Variants in ZFAND6 observed in about 807,000 individuals in gnomAD.
ZFAND6 encodes zinc finger AN1-type containing 6.
ZFAND6 carries 12 observed loss-of-function variants against 24.5 expected under a neutral mutation model. The ratio of observed to expected loss-of-function variants is 0.49; its 90% CI spans 0.31 to 0.79. ZFAND6 has a LOEUF of 0.79. ZFAND6 is among the 30% of genes least tolerant of loss of function. ZFAND6 has a pLI of 0.04. For missense variants in ZFAND6, 207 were observed against 245.9 expected (o/e 0.84, Z 1.06); for synonymous variants, 92 against 81.5 (o/e 1.13, Z -0.69).
Position 80,137,550 on chromosome 15 carries a change from C to A in ZFAND6, c.549C>A (p.Tyr183Ter). The A allele has an allele frequency of 1.2e-6, 2 of 1,605,558 alleles. No homozygotes were observed. The highest frequency in any genetic ancestry group is 1.7e-6 in the Non-Finnish European group (2 of 1,177,400). The change falls in exon 7 of 7, where the codon TAC becomes TAA. Residue 183 changes from tyrosine (Y) to a stop codon, truncating the protein, a stop_gained. Transcript: ENST00000261749. LOFTEE classifies it high-confidence loss of function. The stretch of plus-strand genomic sequence containing the variant: ...ACTCAGATGTACACAATTGCTCTTA[C>A]AATTACAAAGCCGATGCTGCTGAGA... ...HRYSDVHNCSYNYKADAAEKI... is the reference protein window; with the variant it reads ...HRYSDVHNCS
intron 6 of ZFAND6, among the ~76,000 whole-genome samples, chr15:80,137,063 A>C (rs1168900577): frequency 6.6e-6 from 1 of 152,222 alleles, no homozygotes. Flanking sequence ...GCAAATATCG[A>C]AGCTGTGTTC....
Position 80,112,480 on chromosome 15 carries a change from C to G in ZFAND6, c.-17-7848C>G, listed in dbSNP as rs138800883. On this transcript the variant is annotated intron_variant, in intron 2 of 6. Coordinates refer to ENST00000261749, the MANE Select transcript of ZFAND6 (RefSeq NM_019006.4). The stretch of plus-strand genomic sequence containing the variant: ...TGGCGTGATCTTGGCTCACTGCAAC[C>G]TCCGCCTCTTGGGTTCAAACAATGC... Among the ~76,000 whole-genome samples, 1,000 of 152,162 alleles carry G rather than the reference C, an allele frequency of 6.6e-3. 14 individuals are homozygous for G. Among genetic ancestry groups the G allele is most frequent in the African/African-American group, 0.023 (971 of 41,546 alleles).
chr15:80,082,632 G>T (rs1189040935), intron 1 of ZFAND6, among the ~76,000 whole-genome samples: 1 of 152,204 alleles, frequency 6.6e-6, no homozygotes, highest in Non-Finnish European at 1.5e-5. Context: ...TCACTGTCAA[G>T]TGACTTTCTG....
chr15:80,113,920 G>T (rs1404002284), intron 2 of ZFAND6, among the ~76,000 whole-genome samples: 1 of 152,004 alleles, frequency 6.6e-6, no homozygotes, highest in Non-Finnish European at 1.5e-5. Context: ...AGTAGAAGAG[G>T]CTTGAGGTGG....
At chr15:80,118,940 A>G (rs1174141262) in intron 2 of ZFAND6, among the ~76,000 whole-genome samples, 3 of 152,224 alleles carry the variant, frequency 2.0e-5, no homozygotes, top group Non-Finnish European at 4.4e-5. Flanking sequence ...GGTGTTTACC[A>G]GTTCAAGGAA....
intron 2 of ZFAND6, among the ~76,000 whole-genome samples, chr15:80,109,502 A>C (rs1236043782): frequency 6.6e-6 from 1 of 152,198 alleles, no homozygotes; most frequent in African/African-American, 2.4e-5. Flanking sequence ...TGGAAAGTAG[A>C]AGGAATAGCA....
At chr15:80,134,619 A>G (rs1435867843) in intron 6 of ZFAND6, among the ~76,000 whole-genome samples, 3 of 152,224 alleles carry the variant, frequency 2.0e-5, no homozygotes, top group African/African-American at 7.2e-5. Context: ...CACAGGATGG[A>G]AATCATGATA....
At chr15:80,085,909 T>TA (rs1181858320) in intron 1 of ZFAND6, among the ~76,000 whole-genome samples, 1 of 152,216 alleles carries the variant, frequency 6.6e-6, no homozygotes, top group Admixed American at 6.5e-5. Context: ...CACAGATACT[T>TA]ACCATTGTGT....
intron 6 of ZFAND6, among the ~76,000 whole-genome samples, chr15:80,136,092 T>C (rs2040849995): frequency 6.7e-6 from 1 of 148,772 alleles, no homozygotes. Context: ...CACCACTTCA[T>C]ACCAGCCTGA....
At chr15:80,075,614 T>A (rs962339036) in intron 1 of ZFAND6, among the ~76,000 whole-genome samples, 1 of 152,082 alleles carries the variant, frequency 6.6e-6, no homozygotes, top group Non-Finnish European at 1.5e-5. Flanking sequence ...TAGATGCCAT[T>A]CAAGAGGAAC....
Position 80,121,583 on chromosome 15 carries a change from C to A in ZFAND6, c.155-129C>A. The A allele has an allele frequency of 5.2e-6, 3 of 577,866 alleles. No homozygotes were observed. In the South Asian group the frequency reaches 1.6e-4, roughly 32 times the overall value. The allele number at this position is 577,866 out of a possible 1,614,324, so 35.8% of individuals were successfully genotyped here. ...GAAAAATTTTTTAAAAATAATGAACCAACATACTACATATTAAAAGAAAAC... is the reference window on the plus strand; with the variant it reads ...GAAAAATTTTTTAAAAATAATGAACAAACATACTACATATTAAAAGAAAAC... On this transcript the variant is annotated intron_variant, in intron 3 of 6. Coordinates refer to ENST00000261749, the MANE Select transcript of ZFAND6 (RefSeq NM_019006.4).
At chr15:80,089,956 A>G (rs948693716) in intron 1 of ZFAND6, among the ~76,000 whole-genome samples, 4 of 152,098 alleles carry the variant, frequency 2.6e-5, no homozygotes, top group Non-Finnish European at 5.9e-5. Flanking sequence ...TCCTCATTCA[A>G]AATATTAAGG....
chr15:80,088,006 C>T (rs187110326), intron 1 of ZFAND6, among the ~76,000 whole-genome samples: 22 of 152,098 alleles, frequency 1.4e-4, no homozygotes, highest in Admixed American at 8.5e-4. Context: ...TTCCATAGAG[C>T]AAGAATATTC....
chr15:80,083,184 G>A (rs2037781162), intron 1 of ZFAND6, among the ~76,000 whole-genome samples: 1 of 152,036 alleles, frequency 6.6e-6, no homozygotes, highest in East Asian at 1.9e-4. Flanking sequence ...GTAGAGACGG[G>A]GTTTCACCGT....
chr15:80,125,799 G>A lies in ZFAND6; in HGVS notation c.364+2999G>A, dbSNP rs188718980. ...TCATAGTAGAAAAATACTGAATTTG[G>A]ATTCATAAGTTCTATTTTCCTATCT... On this transcript the variant is annotated intron_variant, in intron 5 of 6. Coordinates refer to ENST00000261749, the MANE Select transcript of ZFAND6 (RefSeq NM_019006.4). Among the ~76,000 whole-genome samples the A allele has an allele frequency of 1.5e-4, 23 of 152,206 alleles. No homozygotes were observed. The East Asian group carries it at 4.1e-3, about 27-fold the overall frequency.
intron 1 of ZFAND6, among the ~76,000 whole-genome samples, chr15:80,069,000 T>G (rs988035716): frequency 1.4e-4 from 21 of 152,264 alleles, no homozygotes; most frequent in African/African-American, 4.3e-4. Context: ...TGTTACCTAT[T>G]CAGCTTTTGC....
At position 80,137,534 on chromosome 15, in the gene ZFAND6, T is replaced by G. The variant is rs2040919290; in HGVS notation, c.533T>G (p.Val178Gly). The change falls in exon 7 of 7, where the codon GTA becomes GGA. Residue 178 changes from valine to glycine, a missense_variant. By Grantham distance (109) the Val-to-Gly change is moderately radical. Transcript: ENST00000261749. ...VYCGVHRYSDVHNCSYNYKAD... is the reference protein window; with the variant it reads ...VYCGVHRYSDGHNCSYNYKAD... The stretch of plus-strand genomic sequence containing the variant: ...TGTGGTGTACACCGTTACTCAGATG[T>G]ACACAATTGCTCTTACAATTACAAA... The G allele has an allele frequency of 6.2e-7, 1 of 1,607,804 alleles. No individual in the cohort carries two copies. Among genetic ancestry groups the G allele is most frequent in the African/African-American group, 1.3e-5 (1 of 74,494 alleles).
At chr15:80,077,908 C>T (rs1029161779) in intron 1 of ZFAND6, among the ~76,000 whole-genome samples, 4 of 151,730 alleles carry the variant, frequency 2.6e-5, no homozygotes, top group African/African-American at 9.7e-5. Context: ...CCATATTGGC[C>T]AGGCTGGTCT....
At chr15:80,134,132 C>T (rs1211654064) in intron 6 of ZFAND6, among the ~76,000 whole-genome samples, 3 of 152,100 alleles carry the variant, frequency 2.0e-5, no homozygotes, top group African/African-American at 4.8e-5. Context: ...GGATTACAGG[C>T]GTACTCCACC....
Sources: allele counts gnomAD v4.1 joint callset (sites outside exome capture counted in the v4.1 genomes callset), GRCh38; gene constraint gnomAD v4.1.1; transcripts MANE v1.5; gene names NCBI Gene and HGNC (gene_info 2026-07-23, HGNC 2026-07-21).